Variants in LYPD6 observed in about 807,000 individuals in gnomAD.
The protein encoded by LYPD6 is LY6/PLAUR domain containing 6, also known as ly6/PLAUR domain-containing protein 6.
A neutral mutation model predicts 22.7 loss-of-function variants in LYPD6; 15 were observed. The ratio of observed to expected loss-of-function variants is 0.66; its 90% CI spans 0.44 to 1.02. The LOEUF (loss-of-function observed/expected upper bound fraction) is 1.02. LYPD6 is among the 50% of genes least tolerant of loss of function. The probability of loss-of-function intolerance (pLI) is 0.00; values close to 1 mark genes in which losing one functional copy is unlikely to be tolerated. For synonymous variants in LYPD6, 72 were observed against 77.5 expected, an observed-to-expected ratio of 0.93 and a Z score of 0.37; for missense variants, 189 against 208.4, an observed-to-expected ratio of 0.91 and a Z score of 0.57.
intron 1 of LYPD6, among the ~76,000 whole-genome samples, chr2:149,341,518 A>G (rs1681161351): frequency 6.6e-6 from 1 of 152,188 alleles, no homozygotes; most frequent in Non-Finnish European, 1.5e-5. Flanking sequence ...CTCAGTCAAT[A>G]TGCTTAATAG....
intron 1 of LYPD6, among the ~76,000 whole-genome samples, chr2:149,411,950 C>A (rs1028239053): frequency 6.6e-6 from 1 of 152,042 alleles, no homozygotes; most frequent in Non-Finnish European, 1.5e-5. Context: ...CTTTTTTTCT[C>A]GTAATATAGC....
intron 1 of LYPD6, among the ~76,000 whole-genome samples, chr2:149,365,967 C>T (rs571990661): frequency 1.3e-5 from 2 of 152,150 alleles, no homozygotes; most frequent in Non-Finnish European, 2.9e-5. Context: ...ATCTTATAAC[C>T]GTATGTGTGC....
At chr2:149,422,209 C>T (rs1683096185) in intron 1 of LYPD6, among the ~76,000 whole-genome samples, 1 of 152,158 alleles carries the variant, frequency 6.6e-6, no homozygotes, top group Admixed American at 6.5e-5. Context: ...CTCCTTTAAA[C>T]CTCCTAAGAG....
At chr2:149,456,093 A>G (rs755278627) in intron 3 of LYPD6, among the ~76,000 whole-genome samples, 7 of 152,334 alleles carry the variant, frequency 4.6e-5, no homozygotes, top group East Asian at 1.9e-4. Context: ...TATGGAGAAT[A>G]ATTGTTAAGA....
chr2:149,413,023 A>G (rs550707728), intron 1 of LYPD6, among the ~76,000 whole-genome samples: 4 of 152,194 alleles, frequency 2.6e-5, no homozygotes, highest in South Asian at 2.1e-4. Flanking sequence ...CCGAATTTCT[A>G]TTGTTTTTGA....
At chr2:149,407,539 T>G (rs1682746362) in intron 1 of LYPD6, among the ~76,000 whole-genome samples, 1 of 152,248 alleles carries the variant, frequency 6.6e-6, no homozygotes, top group African/African-American at 2.4e-5. Flanking sequence ...TCCTGAAGCT[T>G]CTGCATTCTT....
intron 1 of LYPD6, among the ~76,000 whole-genome samples, chr2:149,339,482 T>C (rs964905180): frequency 1.3e-5 from 2 of 152,198 alleles, no homozygotes; most frequent in African/African-American, 4.8e-5. Flanking sequence ...CAGGTAATTT[T>C]AGTTTTCAAC....
chr2:149,403,322 G>T (rs1483065594), intron 1 of LYPD6, among the ~76,000 whole-genome samples: 6 of 150,514 alleles, frequency 4.0e-5, no homozygotes, highest in Admixed American at 3.3e-4. Context: ...TTCCACAATG[G>T]TTGAACTAGT....
At chr2:149,482,317 A>G in the LYPD6 span, among the ~76,000 whole-genome samples, 14 of 152,160 alleles carry the variant, frequency 9.2e-5, no homozygotes, top group Admixed American at 8.5e-4. Flanking sequence ...GCATTTCCTA[A>G]GAACAAAGAT....
At position 149,337,326 on chromosome 2, in the gene LYPD6, A is replaced by G. The variant is rs142227436; in HGVS notation, c.-72+6604A>G. Among the ~76,000 whole-genome samples, 1,274 of 152,178 alleles carry G rather than the reference A, an allele frequency of 8.4e-3. 22 individuals carry two copies. Among genetic ancestry groups the G allele is most frequent in the African/African-American group, 0.029 (1,204 of 41,512 alleles). Reference sequence around the variant, plus strand: ...TGTATCCTCTGAGGTCATATGATTCACTCACGTTTTAGTTTGTTTCTCTGT... The same window carrying G: ...TGTATCCTCTGAGGTCATATGATTCGCTCACGTTTTAGTTTGTTTCTCTGT... On this transcript the variant is annotated intron_variant, in intron 1 of 4. Transcript: ENST00000334166.
At chr2:149,407,024 T>C (rs2105116885) in intron 1 of LYPD6, among the ~76,000 whole-genome samples, 1 of 152,204 alleles carries the variant, frequency 6.6e-6, no homozygotes, top group Non-Finnish European at 1.5e-5. Context: ...AATTCTGGGT[T>C]GAAAATTCTT....
intron 4 of LYPD6, among the ~76,000 whole-genome samples, chr2:149,469,920 A>G (rs1160140089): frequency 6.6e-6 from 1 of 152,156 alleles, no homozygotes; most frequent in Non-Finnish European, 1.5e-5. Flanking sequence ...ATGACTGTAT[A>G]GAATGTTATT....
At chr2:149,406,818 T>C (rs1316745146) in intron 1 of LYPD6, among the ~76,000 whole-genome samples, 6 of 152,322 alleles carry the variant, frequency 3.9e-5, no homozygotes, top group Admixed American at 3.3e-4. Context: ...ATGCAGTTTC[T>C]TCCTAGCCTC....
intron 1 of LYPD6, among the ~76,000 whole-genome samples, chr2:149,405,846 T>G (rs1448051919): frequency 6.8e-6 from 1 of 147,992 alleles, no homozygotes; most frequent in Non-Finnish European, 1.5e-5. Context: ...TTTTGGATCT[T>G]TCCTGCTTTC....
At chr2:149,428,574 T>G (rs1190531964) in intron 1 of LYPD6, among the ~76,000 whole-genome samples, 1 of 152,206 alleles carries the variant, frequency 6.6e-6, no homozygotes, top group African/African-American at 2.4e-5. Flanking sequence ...CCATTCTCAC[T>G]TGAAAAATAT....
At chr2:149,341,220 T>G (rs1209708097) in intron 1 of LYPD6, among the ~76,000 whole-genome samples, 3 of 152,180 alleles carry the variant, frequency 2.0e-5, no homozygotes, top group Non-Finnish European at 4.4e-5. Flanking sequence ...TTGCAGCAGT[T>G]GTGCCTTTTT....
In LYPD6 at chr2:149,338,156, T is replaced by G. The variant is rs553714644; in HGVS notation, c.-72+7434T>G. On this transcript the variant is annotated intron_variant, in intron 1 of 4. Coordinates refer to ENST00000334166, the MANE Select transcript of LYPD6 (RefSeq NM_194317.5). ...TTTATGTAGAACAATTTGTATTCCT[T>G]TGGGTATATACCCAATAATGGGATT... Among the ~76,000 whole-genome samples the G allele has an allele frequency of 2.6e-5, 4 of 152,344 alleles. No homozygotes were observed. In the East Asian group the frequency reaches 7.7e-4, roughly 29 times the overall value.
intron 1 of LYPD6, among the ~76,000 whole-genome samples, chr2:149,356,325 A>G (rs982675211): frequency 3.9e-5 from 6 of 152,186 alleles, no homozygotes; most frequent in Admixed American, 2.6e-4. Flanking sequence ...TTTTGGCAGG[A>G]GGTAGGACCA....
At chr2:149,336,733 A>G (rs375804993) in intron 1 of LYPD6, among the ~76,000 whole-genome samples, 6 of 152,184 alleles carry the variant, frequency 3.9e-5, no homozygotes, top group African/African-American at 1.4e-4. Flanking sequence ...TCTAGATTAA[A>G]CACATATTCT....
Sources: gnomAD v4.1 joint callset for allele counts (sites outside exome capture counted in the v4.1 genomes callset) on GRCh38, gnomAD v4.1.1 for gene constraint, MANE v1.5 for transcripts, NCBI Gene and HGNC (gene_info 2026-07-23, HGNC 2026-07-21) for gene names.